CCDC178: variants seen among roughly 807,000 people sequenced by gnomAD.
The protein encoded by CCDC178 is coiled-coil domain containing 178.
Under a neutral mutation model 117.4 loss-of-function variants are expected in CCDC178, and 126 were observed. That is an observed-to-expected ratio of 1.07 (90% CI 0.93 to 1.24). The LOEUF (loss-of-function observed/expected upper bound fraction) is 1.24, where lower values mean the gene tolerates loss of function less well. Among genes scored for constraint, CCDC178 ranks in the 50% most tolerant of loss-of-function variants. The pLI, the probability that CCDC178 is intolerant of heterozygous loss-of-function variation, is 0.00. For missense variants in CCDC178, 1,030 were observed against 986.9 expected, an observed-to-expected ratio of 1.04 and a Z score of -0.59; for synonymous variants, 283 against 313.4, an observed-to-expected ratio of 0.90 and a Z score of 1.02.
intron 22 of CCDC178, among the ~76,000 whole-genome samples, chr18:32,950,338 C>T (rs999001065): frequency 1.3e-5 from 2 of 152,132 alleles, no homozygotes; most frequent in African/African-American, 2.4e-5. Flanking sequence ...TAAAGTCTCT[C>T]AAGCCAGCAA....
At chr18:33,175,154 G>A (rs996784861) in intron 20 of CCDC178, among the ~76,000 whole-genome samples, 2 of 151,826 alleles carry the variant, frequency 1.3e-5, no homozygotes, top group African/African-American at 2.4e-5. Context: ...AGGATTACAG[G>A]CGTAAGCCAC....
chr18:33,371,464 T>C (rs1216417183), intron 5 of CCDC178, among the ~76,000 whole-genome samples: 1 of 151,932 alleles, frequency 6.6e-6, no homozygotes, highest in African/African-American at 2.4e-5. Context: ...ATAAATTATA[T>C]AACTTGTCTA....
At chr18:33,317,334 C>T (rs2144982631) in intron 11 of CCDC178, among the ~76,000 whole-genome samples, 1 of 152,214 alleles carries the variant, frequency 6.6e-6, no homozygotes, top group East Asian at 1.9e-4. Context: ...TGTGGCTTCA[C>T]TCCTGAGCCA....
intron 14 of CCDC178, among the ~76,000 whole-genome samples, chr18:33,251,002 T>C (rs552526620): frequency 6.6e-6 from 1 of 151,688 alleles, no homozygotes; most frequent in South Asian, 2.1e-4. Context: ...AAAAAAACCT[T>C]CAAATTAAGG....
At chr18:33,311,105 C>A (rs1830563237) in intron 11 of CCDC178, among the ~76,000 whole-genome samples, 1 of 152,172 alleles carries the variant, frequency 6.6e-6, no homozygotes, top group South Asian at 2.1e-4. Flanking sequence ...TTATAAGATT[C>A]ATCATCCTAA....
intron 11 of CCDC178, among the ~76,000 whole-genome samples, chr18:33,317,387 T>TC (rs745892242): frequency 1.1e-4 from 16 of 151,932 alleles, no homozygotes; most frequent in Admixed American, 2.6e-4. Flanking sequence ...TCCGAACACA[T>TC]CCGAACATCA....
intron 22 of CCDC178, among the ~76,000 whole-genome samples, chr18:32,963,957 G>A (rs1286602736): frequency 6.6e-6 from 1 of 152,042 alleles, no homozygotes; most frequent in Non-Finnish European, 1.5e-5. Context: ...TATACATTAT[G>A]TTGGTAATCA....
intron 11 of CCDC178, among the ~76,000 whole-genome samples, chr18:33,321,143 G>C (rs934965456): frequency 6.6e-6 from 1 of 152,190 alleles, no homozygotes; most frequent in Non-Finnish European, 1.5e-5. Context: ...AATGCTAGAA[G>C]AAAACCTAGG....
At chr18:33,237,528 C>G (rs532352585) in intron 15 of CCDC178, among the ~76,000 whole-genome samples, 2 of 152,102 alleles carry the variant, frequency 1.3e-5, no homozygotes, top group East Asian at 1.9e-4. Flanking sequence ...CATGTCGACT[C>G]GATAAACAGC....
intron 21 of CCDC178, among the ~76,000 whole-genome samples, chr18:33,013,894 G>A (rs1193897575): frequency 4.6e-5 from 7 of 152,142 alleles, no homozygotes; most frequent in Non-Finnish European, 7.4e-5. Flanking sequence ...TCATGTTTGC[G>A]GAGAAGCAGT....
intron 21 of CCDC178, among the ~76,000 whole-genome samples, chr18:33,048,328 T>C (rs72941600): frequency 3.9e-5 from 6 of 152,320 alleles, no homozygotes; most frequent in Non-Finnish European, 7.4e-5. Flanking sequence ...TATACCATCA[T>C]ATAAGATACT....
At chr18:33,187,098 AG>A (rs2058804213) in intron 20 of CCDC178, among the ~76,000 whole-genome samples, 1 of 151,000 alleles carries the variant, frequency 6.6e-6, no homozygotes, top group Non-Finnish European at 1.5e-5. Flanking sequence ...AGAGAGAGAG[AG>A]AGAGAGAGAG....
At chr18:33,276,054 A>AAATAAATG (rs1263817806) in intron 12 of CCDC178, among the ~76,000 whole-genome samples, 2 of 151,804 alleles carry the variant, frequency 1.3e-5, no homozygotes, top group Admixed American at 6.6e-5. Flanking sequence ...ATAAATAAAT[A>AAATAAATG]AATGACAATA....
At chr18:33,231,279 T>C (rs1290584741) in intron 15 of CCDC178, among the ~76,000 whole-genome samples, 2 of 152,142 alleles carry the variant, frequency 1.3e-5, no homozygotes, top group Non-Finnish European at 2.9e-5. Context: ...AAATCCATAT[T>C]GAGAAAAATC....
At chr18:33,063,114 C>T (rs1465909909) in intron 21 of CCDC178, among the ~76,000 whole-genome samples, 3 of 152,268 alleles carry the variant, frequency 2.0e-5, no homozygotes, top group African/African-American at 4.8e-5. Flanking sequence ...ACCAGCCAGG[C>T]GCCATCCTGG....
chr18:33,033,028 T>C (rs1440382655), intron 21 of CCDC178, among the ~76,000 whole-genome samples: 1 of 152,114 alleles, frequency 6.6e-6, no homozygotes, highest in Non-Finnish European at 1.5e-5. Flanking sequence ...TGCTCCCTGT[T>C]ACTCTTCACA....
intron 5 of CCDC178, among the ~76,000 whole-genome samples, chr18:33,388,570 AG>A (rs1475959187): frequency 3.9e-4 from 39 of 99,788 alleles, no homozygotes; most frequent in South Asian, 9.1e-4. Flanking sequence ...CCCAGGCTGG[AG>A]TGCAGTGGCG....
At chr18:32,976,575 C>G (rs2055032722) in intron 21 of CCDC178, among the ~76,000 whole-genome samples, 1 of 152,088 alleles carries the variant, frequency 6.6e-6, no homozygotes, top group African/African-American at 2.4e-5. Flanking sequence ...GCTAAAGAAG[C>G]TGACATTTGT....
intron 21 of CCDC178, among the ~76,000 whole-genome samples, chr18:32,975,583 CATTTATAATGAATGCTTATATTATAT>C (rs1251332137): frequency 6.6e-6 from 1 of 152,008 alleles, no homozygotes; most frequent in Non-Finnish European, 1.5e-5. Flanking sequence ...AAATCCCAAA[CATTTATAATGAATGCTTATATTATAT>C]ATTTATAATG....
Sources: gnomAD v4.1 joint callset for allele counts (sites outside exome capture counted in the v4.1 genomes callset) on GRCh38, gnomAD v4.1.1 for gene constraint, MANE v1.5 for transcripts, NCBI Gene and HGNC (gene_info 2026-07-23, HGNC 2026-07-21) for gene names.